The following CEP128 variants were observed in gnomAD, a reference collection of about 807,000 sequenced individuals.
CEP128 encodes centrosomal protein 128, also known as centrosomal protein 128kDa.
Under a neutral mutation model 156.7 loss-of-function variants are expected in CEP128, and 132 were observed. The observed-to-expected ratio is 0.84, with a 90% confidence interval of 0.73 to 0.97. CEP128 has a LOEUF of 0.97. Among genes scored for constraint, CEP128 ranks in the 50% least tolerant of loss-of-function variants. CEP128 has a pLI of 0.00. For synonymous variants in CEP128, 469 were observed against 448.9 expected, an observed-to-expected ratio of 1.04 and a Z score of -0.57; for missense variants, 1,252 against 1,281.9, an observed-to-expected ratio of 0.98 and a Z score of 0.36.
At chr14:80,762,958 T>C (rs1437817245) in intron 16 of CEP128, among the ~76,000 whole-genome samples, 5 of 152,192 alleles carry the variant, frequency 3.3e-5, no homozygotes, top group Admixed American at 6.5e-5. Flanking sequence ...GATTAATGTG[T>C]ATGAACTAGA....
At chr14:80,700,944 C>T (rs1897054670) in intron 19 of CEP128, among the ~76,000 whole-genome samples, 1 of 152,130 alleles carries the variant, frequency 6.6e-6, no homozygotes, top group Non-Finnish European at 1.5e-5. Flanking sequence ...GGAGAGTCTG[C>T]TCCTTTCAGT....
chr14:80,881,121 T>C (rs2556615), intron 8 of CEP128, among the ~76,000 whole-genome samples: 61,495 of 149,824 alleles, frequency 0.41, 12,913 homozygotes, highest in South Asian at 0.52. Context: ...ATACAAAAGA[T>C]CAATGAAATG....
At chr14:80,665,326 A>G (rs1895568580) in intron 19 of CEP128, among the ~76,000 whole-genome samples, 1 of 148,060 alleles carries the variant, frequency 6.8e-6, no homozygotes, top group Admixed American at 6.8e-5. Context: ...ACAAAATCTA[A>G]TTAATTGGTG....
chr14:80,583,093 C>G (rs942332098), intron 19 of CEP128, among the ~76,000 whole-genome samples: 1 of 152,164 alleles, frequency 6.6e-6, no homozygotes, highest in African/African-American at 2.4e-5. Context: ...GAAGTCCAGT[C>G]TACTCACAGA....
rs78740624 is a variant in CEP128 at position 80,693,360 on chromosome 14, G to C, written c.2806+49715C>G. 1.5e-3 allele frequency among the ~76,000 whole-genome samples: 232 copies of C among 152,268 alleles called. 5 individuals are homozygous for C. In the East Asian group the frequency reaches 0.035, roughly 23 times the overall value. On this transcript the variant is annotated intron_variant, in intron 19 of 24. Transcript: ENST00000555265. ...TACATGTTATTTGTGCAGTAGTTCT[G>C]AGAGAACAAAGGTTGTAAACAGGTA...
At chr14:80,534,821 T>C in intron 21 of CEP128, among the ~76,000 whole-genome samples, 1 of 56,652 alleles carries the variant, frequency 1.8e-5, no homozygotes, top group South Asian at 5.3e-4. Flanking sequence ...CAAGATTCCG[T>C]CTCAAAAAAA....
chr14:80,585,614 T>C (rs1358399407), intron 19 of CEP128, among the ~76,000 whole-genome samples: 1 of 152,228 alleles, frequency 6.6e-6, no homozygotes, highest in African/African-American at 2.4e-5. Flanking sequence ...GCAACATTTA[T>C]AACAACAGCA....
In CEP128 at chr14:80,900,000, G is replaced by A. The variant is rs149756244; in HGVS notation, c.510C>T (p.Asp170=). The change falls in exon 7 of 25, where the codon GAC becomes GAT. Residue 170 remains aspartate, a synonymous_variant. Transcript: ENST00000555265. The stretch of plus-strand genomic sequence containing the variant: ...CAAGGCGAATTTGTTCACTGCTGAG[G>A]TCTCGAAGAGACTGATGAAAACCAT... ...QLHGFHQSLR[D]LSSEQIRLGD... 6.2e-7 allele frequency: 1 copy of A among 1,613,232 alleles called. No homozygotes were observed. Among genetic ancestry groups the A allele is most frequent in the East Asian group, 2.2e-5 (1 of 44,846 alleles).
At chr14:80,732,003 T>C (rs1184438940) in intron 19 of CEP128, among the ~76,000 whole-genome samples, 1 of 152,080 alleles carries the variant, frequency 6.6e-6, no homozygotes, top group Non-Finnish European at 1.5e-5. Context: ...GAAGATACCA[T>C]AATAAATGGA....
At chr14:80,643,905 G>A (rs1426112769) in intron 19 of CEP128, among the ~76,000 whole-genome samples, 1 of 152,100 alleles carries the variant, frequency 6.6e-6, no homozygotes, top group East Asian at 1.9e-4. Flanking sequence ...TCTCAAAATG[G>A]GACTTTATTT....
intron 2 of CEP128, chr14:80,955,990 GTAGA>G: frequency 9.8e-7 from 1 of 1,016,976 alleles, no homozygotes; most frequent in Non-Finnish European, 1.5e-6. Flanking sequence ...GTCTGTGTGT[GTAGA>G]TGTGTGTGTG....
At chr14:80,527,322 C>A in intron 22 of CEP128, 1 of 388,196 alleles carries the variant, frequency 2.6e-6, no homozygotes, top group Non-Finnish European at 5.2e-6. Flanking sequence ...CCCAGCTACT[C>A]AGGAGGCTGA....
At chr14:80,855,244 T>C (rs1887088981) in intron 9 of CEP128, among the ~76,000 whole-genome samples, 1 of 152,078 alleles carries the variant, frequency 6.6e-6, no homozygotes, top group Non-Finnish European at 1.5e-5. Context: ...ACTCTCTGCT[T>C]ACCGAACCCC....
intron 8 of CEP128, among the ~76,000 whole-genome samples, chr14:80,893,417 A>G (rs151084340): frequency 9.2e-5 from 14 of 151,866 alleles, no homozygotes; most frequent in African/African-American, 2.7e-4. Context: ...GATCTAAAGT[A>G]TAACATGAGA....
At chr14:80,504,106 C>T (rs946198679) in intron 24 of CEP128, among the ~76,000 whole-genome samples, 4 of 152,046 alleles carry the variant, frequency 2.6e-5, no homozygotes, top group African/African-American at 7.2e-5. Flanking sequence ...AAATAAAAAT[C>T]CATTAAATAA....
At chr14:80,614,577 C>G (rs894431706) in intron 19 of CEP128, among the ~76,000 whole-genome samples, 1 of 152,168 alleles carries the variant, frequency 6.6e-6, no homozygotes, top group African/African-American at 2.4e-5. Flanking sequence ...TTTCTGCTCT[C>G]ATGTCCTACC....
chr14:80,523,303 C>T lies in CEP128; in HGVS notation c.3072+3566G>A, dbSNP rs566491484. The stretch of plus-strand genomic sequence containing the variant: ...AAACTGAGATGTGGATAAATGTTTT[C>T]TTGTGCTTTGTCCTTACAAACCTCT... On this transcript the variant is annotated intron_variant, in intron 23 of 24. Transcript: ENST00000555265. Among the ~76,000 whole-genome samples the T allele has an allele frequency of 3.9e-5, 6 of 152,314 alleles. No homozygotes were observed. The East Asian group carries it at 1.2e-3, about 29-fold the overall frequency.
At chr14:80,824,678 C>T (rs2140013722) in intron 13 of CEP128, among the ~76,000 whole-genome samples, 1 of 152,294 alleles carries the variant, frequency 6.6e-6, no homozygotes, top group Admixed American at 6.5e-5. Flanking sequence ...GACCACCTCA[C>T]CCTGGACTTT....
rs1901814995 is a variant in CEP128, at chr14:80,793,227, TC to T, written c.1210-118del. 2.3e-5 allele frequency: 16 copies of T among 704,112 alleles called. No individual in the cohort carries two copies. The South Asian group carries it at 2.7e-4, about 12-fold the overall frequency. 43.6% of individuals were successfully genotyped at this position (704,112 alleles called of 1,614,324 possible). A position where few individuals can be genotyped will look rare whatever the true frequency, so the allele number is the denominator to read the frequency against. ...AAGTGGAAATCATCTGTATTAAAAT[TC>T]ATTAGCAATCAATTTAGAAATCATG... On this transcript the variant is annotated intron_variant, in intron 13 of 24. Coordinates refer to ENST00000555265, the MANE Select transcript of CEP128 (RefSeq NM_152446.5).
Sources: gnomAD v4.1 joint callset for allele counts (sites outside exome capture counted in the v4.1 genomes callset) on GRCh38, gnomAD v4.1.1 for gene constraint, MANE v1.5 for transcripts, NCBI Gene and HGNC (gene_info 2026-07-23, HGNC 2026-07-21) for gene names.